VAV2: variants seen among roughly 807,000 people sequenced by gnomAD.
The protein encoded by VAV2 is guanine nucleotide exchange factor VAV2.
A neutral mutation model predicts 132.5 loss-of-function variants in VAV2; 67 were observed. The observed-to-expected ratio is 0.51, with a 90% CI of 0.42 to 0.62. The LOEUF is 0.62. Among genes scored for constraint, VAV2 ranks in the 20% least tolerant of loss-of-function variants. The pLI is 0.00. For missense variants in VAV2, 938 were observed against 1,153.6 expected, an observed-to-expected ratio of 0.81 and a Z score of 2.71; for synonymous variants, 492 against 443.5, an observed-to-expected ratio of 1.11 and a Z score of -1.37.
rs1839927727 is a variant in VAV2 at position 133,912,723 on chromosome 9, A to AG, written c.321+26379dup. 6.6e-6 allele frequency among the ~76,000 whole-genome samples: 1 copy of AG among 152,178 alleles called. No homozygotes were observed. Among genetic ancestry groups the AG allele is most frequent in the African/African-American group, 2.4e-5 (1 of 41,524 alleles). On this transcript the variant is annotated intron_variant, in intron 2 of 29. Coordinates refer to ENST00000371850, the MANE Select transcript of VAV2 (RefSeq NM_001134398.2). The surrounding 1 kb of genome is among the most constrained non-coding windows in gnomAD (Gnocchi z 4.3). Reference sequence around the variant, plus strand: ...CTGCAGTCACCGGTGGTTGACTATTAGGGGGGATAGTTGTGTTCTTTTATT... The same window carrying AG: ...CTGCAGTCACCGGTGGTTGACTATTAGGGGGGGATAGTTGTGTTCTTTTATT...
intron 2 of VAV2, among the ~76,000 whole-genome samples, chr9:133,900,752 C>T (rs1839404999): frequency 7.0e-6 from 1 of 142,952 alleles, no homozygotes; most frequent in Non-Finnish European, 1.6e-5. Flanking sequence ...ATTAATCAAT[C>T]TACCTCCTGT....
At chr9:133,956,431 C>A (rs1009175394) in intron 1 of VAV2, among the ~76,000 whole-genome samples, 4 of 152,158 alleles carry the variant, frequency 2.6e-5, no homozygotes, top group Non-Finnish European at 5.9e-5. Flanking sequence ...CTCTGTCTTT[C>A]TACCTTTCTG....
chr9:133,801,803 G>C (rs1834939344), intron 9 of VAV2, among the ~76,000 whole-genome samples: 1 of 152,196 alleles, frequency 6.6e-6, no homozygotes, highest in Non-Finnish European at 1.5e-5. Flanking sequence ...GATGGGGACA[G>C]AGAACGAAGC....
intron 12 of VAV2, among the ~76,000 whole-genome samples, chr9:133,795,203 C>T (rs967709427): frequency 6.6e-6 from 1 of 152,110 alleles, no homozygotes; most frequent in Non-Finnish European, 1.5e-5. Flanking sequence ...CTGAGCTCAC[C>T]CGGACAAGGG....
intron 25 of VAV2, 44 bp from the exon 26 acceptor site, chr9:133,772,090 A>ACGGCCC (rs762237887): frequency 1.3e-6 from 2 of 1,547,122 alleles, no homozygotes; most frequent in South Asian, 2.2e-5. Context: ...TGAGGGCCAC[A>ACGGCCC]CGGCCCCGGC....
intron 21 of VAV2, 135 bp from the exon 22 acceptor site, chr9:133,779,024 C>G (rs1313128351): frequency 1.8e-6 from 2 of 1,136,804 alleles, no homozygotes; most frequent in Non-Finnish European, 2.5e-6. Flanking sequence ...CATCTCCCTT[C>G]CCTAAATCCT....
At position 133,812,071 on chromosome 9, in the gene VAV2, A is replaced by ACGGAAGGGAG. The variant is rs755032082; in HGVS notation, c.552+42_552+43insCTCCCTTCCG. 11 of 1,590,962 alleles carry ACGGAAGGGAG rather than the reference A, an allele frequency of 6.9e-6. No individual in the cohort carries two copies. In the African/African-American group the frequency reaches 1.5e-4, roughly 21 times the overall value. On this transcript the variant is annotated intron_variant, in intron 5 of 29. Transcript: ENST00000371850. ...TAAGCAAGGGCCAGGCTGCTCTGCG[A>ACGGAAGGGAG]GGGAAGGGAGGGGAAGGGAGGGAGG...
rs1475122483 is a variant in VAV2 at position 133,796,539 on chromosome 9, G to A, written c.937-15C>T. On this transcript the variant is annotated splice_polypyrimidine_tract_variant and intron_variant, in intron 10 of 29. Transcript: ENST00000371850. The stretch of plus-strand genomic sequence containing the variant: ...AGTGTGCACTCCTGGGAGGGCGACA[G>A]GGCGATGGGAGAGCCCTCCCCGAGG... The A allele has an allele frequency of 1.2e-6, 2 of 1,609,938 alleles. No homozygotes were observed. The highest frequency in any genetic ancestry group is 1.7e-6 in the Non-Finnish European group (2 of 1,178,118).
rs144001504 is a variant in VAV2, at chr9:133,837,392, A to G, written c.381-3052T>C. ...AGTGCCCACTAAAATAAGGCACAAC[A>G]GTCATTTCAAAACCTTTTGTCGGCC... On this transcript the variant is annotated intron_variant, in intron 3 of 29. Coordinates refer to ENST00000371850, the MANE Select transcript of VAV2 (RefSeq NM_001134398.2). Among the ~76,000 whole-genome samples the G allele has an allele frequency of 7.0e-3, 1,060 of 152,348 alleles. 13 individuals carry two copies. Among genetic ancestry groups the G allele is most frequent in the African/African-American group, 0.023 (968 of 41,574 alleles).
chr9:133,939,599 C>A (rs887255683), intron 1 of VAV2, among the ~76,000 whole-genome samples: 1 of 152,252 alleles, frequency 6.6e-6, no homozygotes, highest in African/African-American at 2.4e-5. Flanking sequence ...CCATGACCAT[C>A]CAACCCAGCT....
chr9:133,771,070 T>TC (rs1249868846), intron 26 of VAV2, among the ~76,000 whole-genome samples: 3 of 148,710 alleles, frequency 2.0e-5, no homozygotes, highest in African/African-American at 7.5e-5. Context: ...TTCTTTTTTT[T>TC]TTTTTTTTTT....
intron 4 of VAV2, among the ~76,000 whole-genome samples, chr9:133,829,143 T>A (rs1265309589): frequency 6.6e-6 from 1 of 152,226 alleles, no homozygotes; most frequent in Non-Finnish European, 1.5e-5. Flanking sequence ...GGAAGCGCAG[T>A]GCCTGCCAAG....
chr9:133,875,157 C>T (rs1838212229), intron 2 of VAV2, among the ~76,000 whole-genome samples: 1 of 152,206 alleles, frequency 6.6e-6, no homozygotes, highest in African/African-American at 2.4e-5. Flanking sequence ...TCTGAACTCT[C>T]ACCACGCTCA....
chr9:133,974,598 A>C, intron 1 of VAV2, among the ~76,000 whole-genome samples: 1 of 152,174 alleles, frequency 6.6e-6, no homozygotes, highest in Non-Finnish European at 1.5e-5. Context: ...AGGCTCAGAA[A>C]GGTGGAGCAA....
rs1430965425 is a variant in VAV2, at chr9:133,824,157, G to A, written c.449+10115C>T. 6.6e-6 allele frequency among the ~76,000 whole-genome samples: 1 copy of A among 152,154 alleles called. No homozygotes were observed. Among genetic ancestry groups the A allele is most frequent in the Non-Finnish European group, 1.5e-5 (1 of 68,008 alleles). On this transcript the variant is annotated intron_variant, in intron 4 of 29. Transcript: ENST00000371850. This position sits in a 1 kb window ranked among gnomAD's most constrained non-coding sequence, Gnocchi z 5.2. ...GGGGCTCTCATCCCAACGAGCTGCGGTCTCCACAGCCAGCCCCACAGGGAA... is the reference window on the plus strand; with the variant it reads ...GGGGCTCTCATCCCAACGAGCTGCGATCTCCACAGCCAGCCCCACAGGGAA...
intron 2 of VAV2, among the ~76,000 whole-genome samples, chr9:133,881,910 C>T (rs896318583): frequency 6.6e-6 from 1 of 152,158 alleles, no homozygotes; most frequent in Non-Finnish European, 1.5e-5. Flanking sequence ...TGAGAACCTG[C>T]CAGGGCGCCT....
At chr9:133,913,291 C>T (rs1455561519) in intron 2 of VAV2, among the ~76,000 whole-genome samples, 2 of 152,216 alleles carry the variant, frequency 1.3e-5, no homozygotes, top group Non-Finnish European at 2.9e-5. Context: ...GTTGCCACCA[C>T]ACAGAACGGG....
chr9:133,842,786 G>A (rs1276755508), intron 3 of VAV2, among the ~76,000 whole-genome samples: 2 of 152,240 alleles, frequency 1.3e-5, no homozygotes, highest in East Asian at 3.9e-4. Flanking sequence ...GGGCAGAGGG[G>A]TGGAGGGGCC....
intron 1 of VAV2, among the ~76,000 whole-genome samples, chr9:133,982,101 A>G (rs1023457582): frequency 3.9e-5 from 6 of 152,156 alleles, no homozygotes; most frequent in Admixed American, 3.9e-4. Context: ...GGGGCAGGAA[A>G]GGCTTCCCAG....
Sources: gnomAD v4.1 joint callset for allele counts (sites outside exome capture counted in the v4.1 genomes callset) on GRCh38, gnomAD v4.1.1 for gene constraint, Gnocchi (gnomAD v3.1) non-coding constraint, MANE v1.5 for transcripts, NCBI Gene and HGNC (gene_info 2026-07-23, HGNC 2026-07-21) for gene names.